The following DNAJA4 variants were observed in gnomAD, a reference collection of about 807,000 sequenced individuals.
DNAJA4 encodes the protein dnaJ homolog subfamily A member 4.
Under a neutral mutation model 39.7 loss-of-function variants are expected in DNAJA4, and 32 were observed. The ratio of observed to expected loss-of-function variants is 0.81; its 90% CI spans 0.61 to 1.08. The LOEUF is 1.08. DNAJA4 is among the 50% of genes least tolerant of loss of function. The probability of loss-of-function intolerance (pLI) is 0.00; values close to 1 mark genes in which losing one functional copy is unlikely to be tolerated. For missense variants in DNAJA4, 439 were observed against 505.1 expected (o/e 0.87, Z 1.25); for synonymous variants, 184 against 182.4 (o/e 1.01, Z -0.07).
In DNAJA4 at chr15:78,267,702, C is replaced by T. The variant is rs138524539; in HGVS notation, c.133-2795C>T. ...AAAATTTTAGAACACAGAGGGAAAC[C>T]TACCAAGTACACATTATCCTAACCA... is the stretch of plus-strand genomic sequence containing the variant. On this transcript the variant is annotated intron_variant, in intron 1 of 6. Coordinates refer to ENST00000394852, the MANE Select transcript of DNAJA4 (RefSeq NM_001130182.2). Among the ~76,000 whole-genome samples, 537 of 152,266 alleles carry T rather than the reference C, an allele frequency of 3.5e-3. 1 individual carries two copies. The highest frequency in any genetic ancestry group is 5.5e-3 in the Non-Finnish European group (376 of 68,002).
chr15:78,269,705 A>ATT lies in DNAJA4; in HGVS notation c.133-782_133-781dup, dbSNP rs578136844. 3.4e-5 allele frequency among the ~76,000 whole-genome samples: 5 copies of ATT among 146,992 alleles called. 1 individual carries two copies. Among genetic ancestry groups the ATT allele is most frequent in the African/African-American group, 1.2e-4 (5 of 40,178 alleles). Reference sequence around the variant, plus strand: ...TGTTCCAATAATGTCCTTTGTAGCCATTTTTTTTTTTCTCCCCTGTGCAGG... The same window carrying ATT: ...TGTTCCAATAATGTCCTTTGTAGCCATTTTTTTTTTTTTCTCCCCTGTGCAGG... On this transcript the variant is annotated intron_variant, in intron 1 of 6. Transcript: ENST00000394852.
chr15:78,270,336 G>A, intron 1 of DNAJA4, 161 bp from the exon 2 acceptor site: 1 of 680,314 alleles, frequency 1.5e-6, no homozygotes, highest in Non-Finnish European at 2.4e-6. Context: ...AAAGGAGTAG[G>A]TAGACAGGCA....
intron 1 of DNAJA4, chr15:78,266,408 C>A: frequency 1.2e-6 from 1 of 856,376 alleles, no homozygotes; most frequent in Non-Finnish European, 1.8e-6. Flanking sequence ...TTCACCCTGT[C>A]TATACCTGTC....
intron 1 of DNAJA4, among the ~76,000 whole-genome samples, chr15:78,269,706 T>A (rs1252295849): frequency 1.4e-5 from 2 of 144,982 alleles, no homozygotes; most frequent in Admixed American, 1.4e-4. Context: ...TTTGTAGCCA[T>A]TTTTTTTTTT....
chr15:78,267,200 A>AGTG (rs1567115160), intron 1 of DNAJA4, among the ~76,000 whole-genome samples: 18 of 138,216 alleles, frequency 1.3e-4, no homozygotes, highest in South Asian at 4.3e-4. Context: ...GTGAGTGTGT[A>AGTG]TGTGAGTGTG....
At chr15:78,277,728 G>A (rs1006037092) in intron 5 of DNAJA4, 20 of 318,422 alleles carry the variant, frequency 6.3e-5, no homozygotes, top group Middle Eastern at 1.1e-3. Context: ...AAGAGCCAGC[G>A]TTCCTTGCTG....
intron 4 of DNAJA4, chr15:78,274,724 C>G (rs1392248589): frequency 1.2e-5 from 5 of 419,152 alleles, no homozygotes; most frequent in African/African-American, 8.1e-5. Context: ...TAGTTGCCAT[C>G]TCCTGACATT....
chr15:78,265,610 A>G (rs2049100146), intron 1 of DNAJA4: 1 of 702,286 alleles, frequency 1.4e-6, no homozygotes, highest in African/African-American at 1.7e-5. Flanking sequence ...GACAGAAGTT[A>G]AAAGCTTTTC....
At chr15:78,270,958 CT>C (rs558218274) in intron 2 of DNAJA4, among the ~76,000 whole-genome samples, 58 of 152,250 alleles carry the variant, frequency 3.8e-4, no homozygotes, top group Non-Finnish European at 6.5e-4. Flanking sequence ...TCCGCTACTT[CT>C]TGAGATGCTG....
In DNAJA4 at chr15:78,275,640, G is replaced by T. The variant is rs2049433106; in HGVS notation, c.789G>T (p.Met263Ile). Residue 263 changes from methionine (M) to isoleucine (I), a missense_variant, in exon 5 of 7, where the codon ATG becomes ATT. Met to Ile is a conservative substitution (Grantham distance 10). Transcript: ENST00000394852. ...QRRGHDLIMKMKIQLSEALCG... is the reference protein window; with the variant it reads ...QRRGHDLIMKIKIQLSEALCG... Reference sequence around the variant, plus strand: ...GAGGCCATGACTTGATCATGAAAATGAAAATTCAGCTTTCTGAAGCTCTTT... The same window carrying T: ...GAGGCCATGACTTGATCATGAAAATTAAAATTCAGCTTTCTGAAGCTCTTT... 7 of 1,614,188 alleles carry T rather than the reference G, an allele frequency of 4.3e-6. No individual in the cohort carries two copies. The highest frequency in any genetic ancestry group is 5.9e-6 in the Non-Finnish European group (7 of 1,180,016).
rs149270084 is a variant in DNAJA4 at position 78,268,355 on chromosome 15, A to G, written c.133-2142A>G. 5.1e-4 allele frequency among the ~76,000 whole-genome samples: 78 copies of G among 152,344 alleles called. 1 individual carries two copies. Among genetic ancestry groups the G allele is most frequent in the African/African-American group, 1.8e-3 (76 of 41,572 alleles). On this transcript the variant is annotated intron_variant, in intron 1 of 6. Coordinates refer to ENST00000394852, the MANE Select transcript of DNAJA4 (RefSeq NM_001130182.2). The stretch of plus-strand genomic sequence containing the variant: ...GAATGGTACTTACTTCTTCGCAGAA[A>G]TGGTATGAGAATTAACATATCAAAA...
At chr15:78,264,443 C>A, upstream of DNAJA4, 1 of 1,328,162 alleles carries the variant, frequency 7.5e-7, no homozygotes, top group Non-Finnish European at 9.6e-7. Context: ...GGGCCGCGAA[C>A]CCGCCGCGGG....
rs777567475 is a variant in DNAJA4 at position 78,266,343 on chromosome 15, C to G, written c.132+1448C>G. 2.6e-6 allele frequency: 4 copies of G among 1,551,768 alleles called. No individual in the cohort carries two copies. The South Asian group carries it at 3.4e-5, about 13-fold the overall frequency. The stretch of plus-strand genomic sequence containing the variant: ...AGTTAGAGCTGAATATGCTTTTGTT[C>G]TGAAGCTTTTATTTTTAAAAAATTA... On this transcript the variant is annotated intron_variant, in intron 1 of 6. Coordinates refer to ENST00000394852, the MANE Select transcript of DNAJA4 (RefSeq NM_001130182.2).
chr15:78,264,358 C>T, upstream of DNAJA4: 3 of 1,448,472 alleles, frequency 2.1e-6, no homozygotes, highest in Admixed American at 5.4e-5. Context: ...GGGAATCAGA[C>T]GGGCAGCCAA....
At chr15:78,273,298 A>C (rs1435360234) in intron 3 of DNAJA4, 99 bp downstream of exon 3, 9 of 781,586 alleles carry the variant, frequency 1.2e-5, no homozygotes, top group Non-Finnish European at 1.9e-5. Flanking sequence ...ATCTTTTTTC[A>C]AATGCAAGGG....
intron 2 of DNAJA4, among the ~76,000 whole-genome samples, chr15:78,272,103 G>A (rs752418011): frequency 7.9e-5 from 12 of 152,156 alleles, no homozygotes; most frequent in Non-Finnish European, 1.3e-4. Flanking sequence ...TTGGGAGGCC[G>A]AGGTGGGTGG....
Position 78,281,546 on chromosome 15 carries a change from A to T in DNAJA4, c.*1086A>T, listed in dbSNP as rs2049656856. The T allele has an allele frequency of 6.6e-6, 1 of 152,246 alleles. No homozygotes were observed. Among genetic ancestry groups the T allele is most frequent in the African/African-American group, 2.4e-5 (1 of 41,460 alleles). The allele number at this position is 152,246 out of a possible 1,614,324, so 9.4% of individuals were successfully genotyped here. ...AGTTCCACTGTGGATTACAGTTTGT[A>T]TGGACTACTACTGTAAATTATAGCT... On this transcript the variant is annotated 3_prime_UTR_variant, in exon 7 of 7. Transcript: ENST00000394852.
Position 78,280,234 on chromosome 15 carries a change from AC to A in DNAJA4, c.979-8del. ...AACAGCCACCTTTCTTTCCCACCTC[AC>A]CCTTTACAGGTAATCTTTCCTGAAA... On this transcript the variant is annotated splice_polypyrimidine_tract_variant and intron_variant, in intron 6 of 6. Transcript: ENST00000394852. 6.2e-7 allele frequency: 1 copy of A among 1,613,118 alleles called. No homozygotes were observed. The highest frequency in any genetic ancestry group is 8.5e-7 in the Non-Finnish European group (1 of 1,179,164).
intron 2 of DNAJA4, 45 bp from the exon 3 acceptor site, chr15:78,273,050 G>GTA (rs1177866348): frequency 3.7e-6 from 4 of 1,086,944 alleles, no homozygotes; most frequent in Non-Finnish European, 5.7e-6. Context: ...TAATACAATG[G>GTA]TATATTTCAT....
Sources: allele counts gnomAD v4.1 joint callset (sites outside exome capture counted in the v4.1 genomes callset), GRCh38; gene constraint gnomAD v4.1.1; transcripts MANE v1.5; gene names NCBI Gene and HGNC (gene_info 2026-07-23, HGNC 2026-07-21).